The following PLCB1 variants were observed in gnomAD, a reference collection of about 807,000 sequenced individuals.
PLCB1 encodes 1-phosphatidylinositol 4,5-bisphosphate phosphodiesterase beta-1.
PLCB1 carries 46 observed loss-of-function variants against 161.8 expected under a neutral mutation model. The observed-to-expected ratio is 0.28, with a 90% CI of 0.22 to 0.36. PLCB1 has a LOEUF of 0.36. PLCB1 is among the 10% of genes least tolerant of loss of function. The pLI, the probability that PLCB1 is intolerant of heterozygous loss-of-function variation, is 1.00. For missense variants in PLCB1, 1,016 were observed against 1,472.5 expected (o/e 0.69, Z 5.07); for synonymous variants, 517 against 503.7 (o/e 1.03, Z -0.35).
chr20:8,165,587 G>T (rs950485405), intron 2 of PLCB1, among the ~76,000 whole-genome samples: 3 of 152,152 alleles, frequency 2.0e-5, no homozygotes, highest in Non-Finnish European at 4.4e-5. Context: ...TGAAGGCCTT[G>T]AATTCGGGGA....
intron 3 of PLCB1, among the ~76,000 whole-genome samples, chr20:8,496,329 CAAAAA>C (rs71331309): frequency 1.1e-5 from 1 of 91,996 alleles, no homozygotes; most frequent in Non-Finnish European, 2.4e-5. Context: ...CCCATCTCTG[CAAAAA>C]AAAAAAAAAA....
chr20:8,856,403 G>T (rs1044788808), intron 31 of PLCB1, among the ~76,000 whole-genome samples: 7 of 151,982 alleles, frequency 4.6e-5, no homozygotes, highest in African/African-American at 1.5e-4. Context: ...ATCACTTGAG[G>T]CCAGGAGTTC....
intron 2 of PLCB1, among the ~76,000 whole-genome samples, chr20:8,337,598 C>T (rs1985631050): frequency 6.6e-6 from 1 of 152,074 alleles, no homozygotes; most frequent in Non-Finnish European, 1.5e-5. Flanking sequence ...TGAAATAGGC[C>T]TTAAAATCGC....
chr20:8,453,210 G>GT (rs1981152647), intron 3 of PLCB1, among the ~76,000 whole-genome samples: 1 of 152,226 alleles, frequency 6.6e-6, no homozygotes, highest in Admixed American at 6.5e-5. Context: ...GAGTCTCAGA[G>GT]TTCTCCTCCT....
intron 31 of PLCB1, among the ~76,000 whole-genome samples, chr20:8,870,996 T>C (rs931494314): frequency 6.6e-6 from 1 of 152,156 alleles, no homozygotes; most frequent in Non-Finnish European, 1.5e-5. Context: ...AAATGCAGGG[T>C]AGCATGCCCC....
chr20:8,144,205 C>T (rs1430452209), intron 1 of PLCB1, among the ~76,000 whole-genome samples: 1 of 152,120 alleles, frequency 6.6e-6, no homozygotes, highest in Admixed American at 6.6e-5. Flanking sequence ...TTAAAAAACA[C>T]ATTGAGGTGC....
intron 2 of PLCB1, among the ~76,000 whole-genome samples, chr20:8,155,675 G>T (rs954773948): frequency 6.6e-6 from 1 of 152,080 alleles, no homozygotes; most frequent in Non-Finnish European, 1.5e-5. Flanking sequence ...CTTTCTCTTT[G>T]GGATATGCTT....
At chr20:8,133,010 G>T (rs1338371377) in intron 1 of PLCB1, among the ~76,000 whole-genome samples, 4 of 152,104 alleles carry the variant, frequency 2.6e-5, no homozygotes, top group Admixed American at 6.5e-5. Context: ...ACATCTTTTG[G>T]GCCAGTGGAG....
At position 8,881,724 on chromosome 20, in the gene PLCB1, G is replaced by C; in HGVS notation, c.3526G>C (p.Asp1176His). 1 of 1,614,036 alleles carries C rather than the reference G, an allele frequency of 6.2e-7. No individual in the cohort carries two copies. ...QEAMKGKISE[D>H]SNHGSAPLSL... The stretch of plus-strand genomic sequence containing the variant: ...AGCCATGAAAGGAAAGATCAGTGAA[G>C]ACAGCAATCACGGTTCTGCCCCTCT... Residue 1176 changes from aspartate to histidine, a missense_variant, in exon 32 of 32, where the codon GAC becomes CAC. By Grantham distance (81) the Asp-to-His change is moderately conservative (BLOSUM62 -1). Coordinates refer to ENST00000338037, the MANE Select transcript of PLCB1 (RefSeq NM_015192.4).
intron 2 of PLCB1, among the ~76,000 whole-genome samples, chr20:8,299,917 G>A (rs1024771938): frequency 6.6e-6 from 1 of 152,154 alleles, no homozygotes; most frequent in Non-Finnish European, 1.5e-5. Flanking sequence ...CAGCTATAAT[G>A]TTGCCTTATG....
At chr20:8,595,206 T>C (rs557587594) in intron 3 of PLCB1, among the ~76,000 whole-genome samples, 38 of 149,082 alleles carry the variant, frequency 2.5e-4, no homozygotes, top group Admixed American at 5.4e-4. Context: ...CCCACTAACT[T>C]GTCATCTAGC....
intron 2 of PLCB1, among the ~76,000 whole-genome samples, chr20:8,235,648 G>T (rs963273146): frequency 6.6e-6 from 1 of 152,004 alleles, no homozygotes; most frequent in Non-Finnish European, 1.5e-5. Context: ...TTAATAAAAT[G>T]AATTAAGCAC....
chr20:8,468,048 T>C (rs1324263491), intron 3 of PLCB1, among the ~76,000 whole-genome samples: 2 of 152,102 alleles, frequency 1.3e-5, no homozygotes, highest in Non-Finnish European at 2.9e-5. Flanking sequence ...ATAAAACAAA[T>C]GAAGTCATGT....
At chr20:8,620,835 T>A (rs575829258) in intron 3 of PLCB1, among the ~76,000 whole-genome samples, 1 of 151,046 alleles carries the variant, frequency 6.6e-6, no homozygotes, top group African/African-American at 2.4e-5. Context: ...GCTCACAGCA[T>A]AGATGATGGA....
chr20:8,806,838 A>G (rs1050490891), intron 31 of PLCB1, among the ~76,000 whole-genome samples: 1 of 152,156 alleles, frequency 6.6e-6, no homozygotes, highest in African/African-American at 2.4e-5. Flanking sequence ...CTCCGTTTAG[A>G]TTGTACCTTA....
intron 2 of PLCB1, among the ~76,000 whole-genome samples, chr20:8,210,047 G>T (rs907691609): frequency 6.6e-6 from 1 of 151,600 alleles, no homozygotes. Flanking sequence ...TATGTTGTCC[G>T]GGCTTGTCTT....
rs557364210 is a variant in PLCB1, at chr20:8,340,862, A to G, written c.178-30520A>G. 4.6e-5 allele frequency among the ~76,000 whole-genome samples: 7 copies of G among 152,268 alleles called. No individual in the cohort carries two copies. The East Asian group carries it at 1.4e-3, about 29-fold the overall frequency. On this transcript the variant is annotated intron_variant, in intron 2 of 31. Coordinates refer to ENST00000338037, the MANE Select transcript of PLCB1 (RefSeq NM_015192.4). ...GTCTAGGGTGCCTTTCCCAGTCTCAACAGAGAGGACTTCATGAGCCCTGGG... is the reference window on the plus strand; with the variant it reads ...GTCTAGGGTGCCTTTCCCAGTCTCAGCAGAGAGGACTTCATGAGCCCTGGG...
At chr20:8,543,719 T>A (rs1416439428) in intron 3 of PLCB1, among the ~76,000 whole-genome samples, 1 of 151,674 alleles carries the variant, frequency 6.6e-6, no homozygotes, top group African/African-American at 2.4e-5. Flanking sequence ...CTGTGTGTCA[T>A]GGGAGGGACC....
chr20:8,829,644 G>A (rs927424026), intron 31 of PLCB1, among the ~76,000 whole-genome samples: 6 of 152,108 alleles, frequency 3.9e-5, no homozygotes, highest in African/African-American at 1.4e-4. Context: ...CTAGCCAAAG[G>A]GAGCTAAAAA....
Sources: allele counts gnomAD v4.1 joint callset (sites outside exome capture counted in the v4.1 genomes callset), GRCh38; gene constraint gnomAD v4.1.1; transcripts MANE v1.5; gene names NCBI Gene and HGNC (gene_info 2026-07-23, HGNC 2026-07-21).